OPCML: variants seen among roughly 807,000 people sequenced by gnomAD.
OPCML encodes the protein opioid-binding protein/cell adhesion molecule.
OPCML carries 13 observed loss-of-function variants against 37.8 expected under a neutral mutation model. The ratio of observed to expected loss-of-function variants is 0.34; its 90% confidence interval spans 0.22 to 0.55. The LOEUF is 0.55. Among genes scored for constraint, OPCML ranks in the 20% least tolerant of loss-of-function variants. The pLI, the probability that OPCML is intolerant of heterozygous loss-of-function variation, is 0.91. For missense variants in OPCML, 341 were observed against 435.6 expected (o/e 0.78, Z 1.93); for synonymous variants, 176 against 168.8 (o/e 1.04, Z -0.33).
At chr11:133,328,742 A>C (rs928636502) in intron 1 of OPCML, among the ~76,000 whole-genome samples, 1 of 152,176 alleles carries the variant, frequency 6.6e-6, no homozygotes, top group African/African-American at 2.4e-5. Flanking sequence ...AATGGGCAAA[A>C]ACTGGAAGCA....
intron 1 of OPCML, among the ~76,000 whole-genome samples, chr11:133,078,435 G>A (rs75961988): frequency 0.066 from 10,000 of 152,254 alleles, 536 homozygotes; most frequent in East Asian, 0.19. Flanking sequence ...GAGGATAAAA[G>A]AAAATGAGCA....
At chr11:132,769,348 C>T (rs1009458863) in intron 2 of OPCML, among the ~76,000 whole-genome samples, 1 of 151,702 alleles carries the variant, frequency 6.6e-6, no homozygotes, top group African/African-American at 2.4e-5. Flanking sequence ...CGCCATTCTC[C>T]TGCCTCATAT....
intron 1 of OPCML, among the ~76,000 whole-genome samples, chr11:133,372,557 T>C (rs1944697158): frequency 6.6e-6 from 1 of 152,224 alleles, no homozygotes; most frequent in Non-Finnish European, 1.5e-5. Flanking sequence ...ACTCTTCTCA[T>C]TTATCAAATG....
chr11:132,916,576 AC>A (rs1944613044), intron 2 of OPCML, among the ~76,000 whole-genome samples: 2 of 152,234 alleles, frequency 1.3e-5, no homozygotes, highest in South Asian at 4.1e-4. Context: ...AAGAAGATGC[AC>A]CATGAGGATA....
chr11:132,934,302 A>G (rs1003297129), intron 2 of OPCML, among the ~76,000 whole-genome samples: 7 of 152,156 alleles, frequency 4.6e-5, no homozygotes, highest in African/African-American at 1.7e-4. Flanking sequence ...GGCCTGGGGT[A>G]GGTCCAGCGT....
At chr11:132,573,801 G>A (rs1282657839) in intron 3 of OPCML, among the ~76,000 whole-genome samples, 1 of 151,972 alleles carries the variant, frequency 6.6e-6, no homozygotes, top group Non-Finnish European at 1.5e-5. Context: ...GTTTGAGAAA[G>A]ATTGGCCTTA....
chr11:132,980,635 T>C (rs1306574017), intron 1 of OPCML, among the ~76,000 whole-genome samples: 12 of 152,098 alleles, frequency 7.9e-5, no homozygotes, highest in Admixed American at 7.2e-4. Context: ...GTCAGAAAAT[T>C]GACACTAAAA....
At chr11:133,235,101 C>T (rs1453272325) in intron 1 of OPCML, among the ~76,000 whole-genome samples, 1 of 151,944 alleles carries the variant, frequency 6.6e-6, no homozygotes, top group African/African-American at 2.4e-5. Context: ...TCAGGGGCTC[C>T]GCGGCTTTAG....
chr11:133,311,327 G>C (rs763591965), intron 1 of OPCML, among the ~76,000 whole-genome samples: 35 of 152,320 alleles, frequency 2.3e-4, no homozygotes, highest in Middle Eastern at 3.4e-3. Flanking sequence ...AAGAAGAGAT[G>C]CAGAACACAC....
chr11:132,461,215 T>TG (rs1352966983), intron 4 of OPCML, among the ~76,000 whole-genome samples: 2 of 152,124 alleles, frequency 1.3e-5, no homozygotes, highest in East Asian at 3.8e-4. Flanking sequence ...ATGCCATGAC[T>TG]GGGGACTGAG....
chr11:133,419,240 TG>T, intron 1 of OPCML: 1 of 985,388 alleles, frequency 1.0e-6, no homozygotes, highest in Non-Finnish European at 1.2e-6. Context: ...CAGTCATAGT[TG>T]GGAGAGAGTA....
Position 132,984,960 on chromosome 11 carries a change from C to T in OPCML, c.62-41950G>A, listed in dbSNP as rs368141588. Among the ~76,000 whole-genome samples the T allele has an allele frequency of 7.2e-5, 11 of 152,204 alleles. No homozygotes were observed. In the East Asian group the frequency reaches 1.7e-3, roughly 24 times the overall value. On this transcript the variant is annotated intron_variant, in intron 1 of 7. Transcript: ENST00000524381. ...CCAAGTATTTCTCTACCCTCCTGTC[C>T]TTTGTTCCCCCGTAGAACACCTGCT...
At chr11:132,475,682 C>T (rs564315405) in intron 4 of OPCML, among the ~76,000 whole-genome samples, 2 of 151,814 alleles carry the variant, frequency 1.3e-5, no homozygotes, top group Admixed American at 6.6e-5. Flanking sequence ...TTCCAGCCTC[C>T]AGAAACGTGA....
At chr11:132,485,450 C>T (rs372611991) in intron 4 of OPCML, among the ~76,000 whole-genome samples, 2 of 152,074 alleles carry the variant, frequency 1.3e-5, no homozygotes, top group Non-Finnish European at 1.5e-5. Flanking sequence ...TTTTGGCAAG[C>T]GTGAACACTC....
chr11:133,528,258 T>C (rs1241133771), intron 1 of OPCML, among the ~76,000 whole-genome samples: 1 of 152,198 alleles, frequency 6.6e-6, no homozygotes, highest in African/African-American at 2.4e-5. Context: ...ACTGGGCCCA[T>C]GCTGAATGCA....
At chr11:132,500,636 T>C (rs1046521724) in intron 4 of OPCML, among the ~76,000 whole-genome samples, 1 of 152,202 alleles carries the variant, frequency 6.6e-6, no homozygotes, top group Non-Finnish European at 1.5e-5. Flanking sequence ...GGTGTACATG[T>C]GCCATGGTGG....
chr11:133,103,869 T>C (rs1170266611), intron 1 of OPCML, among the ~76,000 whole-genome samples: 1 of 152,218 alleles, frequency 6.6e-6, no homozygotes, highest in Non-Finnish European at 1.5e-5. Flanking sequence ...CTTTCTCTCT[T>C]TTTCTTTCTC....
Position 133,104,688 on chromosome 11 carries a change from G to A in OPCML, c.62-161678C>T, listed in dbSNP as rs1403761262. The stretch of plus-strand genomic sequence containing the variant: ...TGTTAGGTTTTATTTCTGGTGAAAA[G>A]GGCCTATAAATGCCTTCAGCAAATG... On this transcript the variant is annotated intron_variant, in intron 1 of 7. Transcript: ENST00000524381. 3.3e-5 allele frequency among the ~76,000 whole-genome samples: 5 copies of A among 152,162 alleles called. No individual in the cohort carries two copies. The East Asian group carries it at 9.6e-4, about 29-fold the overall frequency.
At chr11:132,810,915 G>A (rs1939304087) in intron 2 of OPCML, 1 of 152,134 alleles carries the variant, frequency 6.6e-6, no homozygotes, top group South Asian at 2.1e-4. Context: ...TTTCTTTCCT[G>A]TTTATAAAGA....
Sources: gnomAD v4.1 joint callset for allele counts (sites outside exome capture counted in the v4.1 genomes callset) on GRCh38, gnomAD v4.1.1 for gene constraint, MANE v1.5 for transcripts, NCBI Gene and HGNC (gene_info 2026-07-23, HGNC 2026-07-21) for gene names.